Variants in LMNB2 observed in about 807,000 individuals in gnomAD.
LMNB2 encodes lamin B2, also known as lamin-B2.
Under a neutral mutation model 69.3 loss-of-function variants are expected in LMNB2, and 17 were observed. The observed-to-expected ratio is 0.25, with a 90% confidence interval of 0.17 to 0.37. The LOEUF (loss-of-function observed/expected upper bound fraction) is 0.37. Among genes scored for constraint, LMNB2 ranks in the 10% least tolerant of loss-of-function variants. The probability of loss-of-function intolerance (pLI) is 1.00; values close to 1 mark genes in which losing one functional copy is unlikely to be tolerated. For synonymous variants in LMNB2, 397 were observed against 389.3 expected, an observed-to-expected ratio of 1.02 and a Z score of -0.23; for missense variants, 789 against 883.6, an observed-to-expected ratio of 0.89 and a Z score of 1.36.
At chr19:2,431,259 T>C (rs903498884) in intron 11 of LMNB2, among the ~76,000 whole-genome samples, 3 of 152,196 alleles carry the variant, frequency 2.0e-5, no homozygotes, top group South Asian at 2.1e-4. Context: ...AGGAAGCCGG[T>C]TGACCAGAGA....
intron 2 of LMNB2, among the ~76,000 whole-genome samples, chr19:2,440,970 C>A (rs1388178056): frequency 1.3e-5 from 2 of 152,228 alleles, no homozygotes; most frequent in African/African-American, 4.8e-5. Context: ...CCCTCCCTGC[C>A]TAGGATCCGT....
rs1193144298 is a variant in LMNB2, at chr19:2,443,406, C to T, written c.401+998G>A. 6.6e-6 allele frequency among the ~76,000 whole-genome samples: 1 copy of T among 152,154 alleles called. No individual in the cohort carries two copies. The highest frequency in any genetic ancestry group is 1.5e-5 in the Non-Finnish European group (1 of 68,020). On this transcript the variant is annotated intron_variant, in intron 2 of 11. Transcript: ENST00000325327. This position sits in a 1 kb window ranked among gnomAD's most constrained non-coding sequence, Gnocchi z 6.2. ...CCCCGGCACTGTTGGACACAGGGTC[C>T]CCGGTCATTCCTCTGGCCACACTCC...
intron 8 of LMNB2, 132 bp from the exon 9 acceptor site, chr19:2,432,655 C>T: frequency 2.6e-6 from 2 of 770,290 alleles, no homozygotes; most frequent in Admixed American, 3.7e-5. Context: ...ACCCCCATGC[C>T]CTGGTCATTC....
In LMNB2 at chr19:2,428,399, C is replaced by T. The variant is rs1240837595; in HGVS notation, c.*2512G>A. The T allele has an allele frequency of 6.6e-6, 1 of 152,282 alleles. No homozygotes were observed. Among genetic ancestry groups the T allele is most frequent in the African/African-American group, 2.4e-5 (1 of 41,466 alleles). 9.4% of individuals were successfully genotyped at this position (152,282 alleles called of 1,614,324 possible). Reference sequence around the variant, plus strand: ...GAAGAGGCTGCAGGCGGCGACGCCCCAGGACTGAGGAGTCCCTCAGATCTT... The same window carrying T: ...GAAGAGGCTGCAGGCGGCGACGCCCTAGGACTGAGGAGTCCCTCAGATCTT... On this transcript the variant is annotated 3_prime_UTR_variant, in exon 12 of 12. Transcript: ENST00000325327.
chr19:2,434,084 T>G lies in LMNB2; in HGVS notation c.1224A>C (p.Pro408=), dbSNP rs1971786446. The change falls in exon 8 of 12, where the codon CCA becomes CCC. Residue 408 remains proline, a synonymous_variant. Coordinates refer to ENST00000325327, the MANE Select transcript of LMNB2 (RefSeq NM_032737.4). The part of the protein sequence containing the change: ...EEERLKLSPS[P]SSRVTVSRAT... ...CTCGTGAGACGGTGACGCGCGAGGATGGGCTGGGGGACAGCTTCAGCCTGT... is the reference window on the plus strand; with the variant it reads ...CTCGTGAGACGGTGACGCGCGAGGAGGGGCTGGGGGACAGCTTCAGCCTGT... 1.3e-6 allele frequency: 2 copies of G among 1,592,270 alleles called. No individual in the cohort carries two copies. Among genetic ancestry groups the G allele is most frequent in the South Asian group, 2.2e-5 (2 of 89,098 alleles).
At chr19:2,451,592 G>A (rs1568209172) in intron 1 of LMNB2, among the ~76,000 whole-genome samples, 2 of 152,196 alleles carry the variant, frequency 1.3e-5, no homozygotes, top group African/African-American at 4.8e-5. Context: ...GCGCTGCAAA[G>A]GGCTGGGGAC....
At chr19:2,434,542 C>A in intron 6 of LMNB2, 27 bp from the exon 7 acceptor site, 1 of 1,605,272 alleles carries the variant, frequency 6.2e-7, no homozygotes, top group South Asian at 1.1e-5. Context: ...TGGCGAAGGT[C>A]AGGGCAGCCC....
chr19:2,431,684 T>C (rs1437025480), intron 10 of LMNB2, 26 bp from the exon 11 acceptor site: 1 of 1,613,906 alleles, frequency 6.2e-7, no homozygotes, highest in Non-Finnish European at 8.5e-7. Flanking sequence ...CACGGCGGCA[T>C]GTCCCGGGAT....
At chr19:2,450,814 T>TA (rs1278058901) in intron 1 of LMNB2, among the ~76,000 whole-genome samples, 1 of 151,340 alleles carries the variant, frequency 6.6e-6, no homozygotes, top group South Asian at 2.1e-4. Flanking sequence ...GTATTTTTAG[T>TA]AGAGACGGGG....
intron 2 of LMNB2, among the ~76,000 whole-genome samples, chr19:2,441,477 C>A (rs1055315892): frequency 1.3e-5 from 2 of 152,240 alleles, no homozygotes; most frequent in African/African-American, 2.4e-5. Context: ...GGGTGCAGAT[C>A]CCGCATCTCT....
chr19:2,438,670 C>T (rs567814892), intron 2 of LMNB2, 139 bp from the exon 3 acceptor site: 209 of 979,812 alleles, frequency 2.1e-4, no homozygotes, highest in Middle Eastern at 9.9e-4. Flanking sequence ...CTGCAGACGA[C>T]GCGGCCCCAC....
chr19:2,454,799 T>C (rs1333725961), intron 1 of LMNB2, among the ~76,000 whole-genome samples: 3 of 152,036 alleles, frequency 2.0e-5, no homozygotes, highest in African/African-American at 7.2e-5. Flanking sequence ...TGTCCTTGGA[T>C]TGGGCATGGC....
Position 2,453,440 on chromosome 19 carries a change from GCCCACATGACGTC to G in LMNB2, c.264+3217_264+3229del, listed in dbSNP as rs1972052239. Among the ~76,000 whole-genome samples, 1 of 151,804 alleles carries G rather than the reference GCCCACATGACGTC, an allele frequency of 6.6e-6. No individual in the cohort carries two copies. Among genetic ancestry groups the G allele is most frequent in the African/African-American group, 2.4e-5 (1 of 41,306 alleles). On this transcript the variant is annotated intron_variant, in intron 1 of 11. Coordinates refer to ENST00000325327, the MANE Select transcript of LMNB2 (RefSeq NM_032737.4). This position sits in a 1 kb window ranked among gnomAD's most constrained non-coding sequence, Gnocchi z 4.4. The stretch of plus-strand genomic sequence containing the variant: ...ATTCCAGGTCACTCCCTCCATGTGG[GCCCACATGACGTC>G]CCCCCACCAGCGGCCCCCACCCCAG...
Position 2,430,646 on chromosome 19 carries a change from TG to T in LMNB2, c.*264del, listed in dbSNP as rs1254750458. 1 of 556,782 alleles carries T rather than the reference TG, an allele frequency of 1.8e-6. No homozygotes were observed. Among genetic ancestry groups the T allele is most frequent in the African/African-American group, 1.9e-5 (1 of 53,114 alleles). The allele number at this position is 556,782 out of a possible 1,614,324, so 34.5% of individuals were successfully genotyped here. On this transcript the variant is annotated 3_prime_UTR_variant, in exon 12 of 12. Transcript: ENST00000325327. ...AAGCATCTTCTAAACCTCCGGGTCC[TG>T]GCCCTGGGCTTCCAATTTGACCAAA...
At position 2,430,696 on chromosome 19, in the gene LMNB2, G is replaced by A; in HGVS notation, c.*215C>T. The A allele has an allele frequency of 1.6e-6, 1 of 639,546 alleles. No homozygotes were observed. Among genetic ancestry groups the A allele is most frequent in the Non-Finnish European group, 2.9e-6 (1 of 348,124 alleles). 39.6% of individuals were successfully genotyped at this position (639,546 alleles called of 1,614,324 possible). Reference sequence around the variant, plus strand: ...AATGGTGAGATGAGGAGTGGGGTGGGATTGAAAAGTCTCCGGGGCAGCGGC... The same window carrying A: ...AATGGTGAGATGAGGAGTGGGGTGGAATTGAAAAGTCTCCGGGGCAGCGGC... On this transcript the variant is annotated 3_prime_UTR_variant, in exon 12 of 12. Coordinates refer to ENST00000325327, the MANE Select transcript of LMNB2 (RefSeq NM_032737.4).
chr19:2,447,472 G>A lies in LMNB2; in HGVS notation c.265-2932C>T, dbSNP rs375632838. On this transcript the variant is annotated intron_variant, in intron 1 of 11. Transcript: ENST00000325327. The surrounding 1 kb of genome is among the most constrained non-coding windows in gnomAD (Gnocchi z 4.4). The stretch of plus-strand genomic sequence containing the variant: ...CAGGCTTCTTTTAGTGGGGATGAAC[G>A]TTCTAAAATTGGACACATTGGTGGT... 6.6e-6 allele frequency among the ~76,000 whole-genome samples: 1 copy of A among 152,160 alleles called. No homozygotes were observed. The highest frequency in any genetic ancestry group is 1.5e-5 in the Non-Finnish European group (1 of 68,030).
intron 11 of LMNB2, 29 bp from the exon 12 acceptor site, chr19:2,430,981 C>T: frequency 6.4e-7 from 1 of 1,573,548 alleles, no homozygotes; most frequent in Non-Finnish European, 8.7e-7. Flanking sequence ...GAAGGTCGGC[C>T]ATGATCAGGG....
At chr19:2,438,032 G>A (rs1471199863) in intron 4 of LMNB2, 131 bp downstream of exon 4, 1 of 1,385,430 alleles carries the variant, frequency 7.2e-7, no homozygotes, top group East Asian at 2.3e-5. Flanking sequence ...CTAAGAGGCA[G>A]GAAGGAGCCT....
Position 2,434,381 on chromosome 19 carries a change from G to A in LMNB2, c.1116C>T (p.Ala372=), listed in dbSNP as rs749108777. ...EMRDVMQQQL[A]EYQELLDVKL... is the part of the protein sequence containing the mutation. Reference sequence around the variant, plus strand: ...TCACGTCCAGCAGCTCCTGGTACTCGGCCAGCTGCTGCTGCATCACGTCCC... The same window carrying A: ...TCACGTCCAGCAGCTCCTGGTACTCAGCCAGCTGCTGCTGCATCACGTCCC... Residue 372 remains alanine (A), a synonymous_variant, in exon 7 of 12, where the codon GCC becomes GCT. Coordinates refer to ENST00000325327, the MANE Select transcript of LMNB2 (RefSeq NM_032737.4). The A allele has an allele frequency of 4.3e-6, 7 of 1,613,304 alleles. No individual in the cohort carries two copies. Among genetic ancestry groups the A allele is most frequent in the East Asian group, 2.2e-5 (1 of 44,878 alleles).
Sources: gnomAD v4.1 joint callset for allele counts (sites outside exome capture counted in the v4.1 genomes callset) on GRCh38, gnomAD v4.1.1 for gene constraint, Gnocchi (gnomAD v3.1) non-coding constraint, MANE v1.5 for transcripts, NCBI Gene and HGNC (gene_info 2026-07-23, HGNC 2026-07-21) for gene names.